DENND5B: variants seen among roughly 807,000 people sequenced by gnomAD.
DENND5B encodes the protein DENN domain containing 5B.
A neutral mutation model predicts 140.6 loss-of-function variants in DENND5B; 34 were observed. The ratio of observed to expected loss-of-function variants is 0.24; its 90% CI spans 0.18 to 0.32. The LOEUF (loss-of-function observed/expected upper bound fraction) is 0.32, where lower values mean the gene tolerates loss of function less well. DENND5B is among the 10% of genes least tolerant of loss of function. DENND5B has a pLI of 1.00. For missense variants in DENND5B, 1,142 were observed against 1,560.2 expected, an observed-to-expected ratio of 0.73 and a Z score of 4.52; for synonymous variants, 551 against 562.1, an observed-to-expected ratio of 0.98 and a Z score of 0.28.
chr12:31,528,460 T>C (rs1948163793), intron 1 of DENND5B, among the ~76,000 whole-genome samples: 1 of 152,178 alleles, frequency 6.6e-6, no homozygotes, highest in African/African-American at 2.4e-5. Flanking sequence ...TAATGTAACA[T>C]TCAGGTTCCA....
chr12:31,424,518 C>T lies in DENND5B; in HGVS notation c.2391+17G>A. On this transcript the variant is annotated intron_variant, in intron 10 of 20. Transcript: ENST00000389082. ...CTCTTAACTGGCCATGTCACCAGGA[C>T]CTCCTAAAACTGTTACCTGCTTGAC... is the stretch of plus-strand genomic sequence containing the variant. 1 of 1,605,784 alleles carries T rather than the reference C, an allele frequency of 6.2e-7. No homozygotes were observed. The highest frequency in any genetic ancestry group is 1.1e-5 in the South Asian group (1 of 89,500).
At position 31,453,947 on chromosome 12, in the gene DENND5B, G is replaced by C. The variant is rs184571394; in HGVS notation, c.1093-1471C>G. On this transcript the variant is annotated intron_variant, in intron 4 of 20. Transcript: ENST00000389082. ...ACTTGAGGTCAGGAGTTCAAGACCAGTCTGGCCAACATGGTGAAACTCTGT... is the reference window on the plus strand; with the variant it reads ...ACTTGAGGTCAGGAGTTCAAGACCACTCTGGCCAACATGGTGAAACTCTGT... Among the ~76,000 whole-genome samples the C allele has an allele frequency of 1.1e-4, 16 of 152,092 alleles. No homozygotes were observed. The East Asian group carries it at 3.1e-3, about 29-fold the overall frequency.
chr12:31,390,600 T>TA lies in DENND5B; in HGVS notation c.3467-1103dup, dbSNP rs1346458811. Reference sequence around the variant, plus strand: ...GCGGTGACCCAAGATCACACCATTGTACTCCAGCCTGGGCAACAGAGCGAG... The same window carrying TA: ...GCGGTGACCCAAGATCACACCATTGTAACTCCAGCCTGGGCAACAGAGCGAG... On this transcript the variant is annotated intron_variant, in intron 19 of 20. Transcript: ENST00000389082. Among the ~76,000 whole-genome samples, 5 of 151,664 alleles carry TA rather than the reference T, an allele frequency of 3.3e-5. No homozygotes were observed. The East Asian group carries it at 9.7e-4, about 30-fold the overall frequency.
intron 19 of DENND5B, among the ~76,000 whole-genome samples, chr12:31,391,628 G>C (rs1001925566): frequency 6.6e-6 from 1 of 152,192 alleles, no homozygotes; most frequent in Non-Finnish European, 1.5e-5. Context: ...GAAAAACAAA[G>C]ACAATACTTG....
At position 31,399,663 on chromosome 12, in the gene DENND5B, T is replaced by C. The variant is rs746065127; in HGVS notation, c.3059A>G (p.His1020Arg). The C allele has an allele frequency of 6.2e-7, 1 of 1,613,422 alleles. No individual in the cohort carries two copies. The highest frequency in any genetic ancestry group is 8.5e-7 in the Non-Finnish European group (1 of 1,179,514). The change falls in exon 16 of 21, where the codon CAT becomes CGT. Residue 1020 changes from histidine (H) to arginine (R), a missense_variant. Physicochemically the swap from His to Arg is conservative, Grantham distance 29. This residue lies in a region of DENND5B where 268 missense variants were observed against 349.2 expected (regional missense o/e 0.77). Coordinates refer to ENST00000389082, the MANE Select transcript of DENND5B (RefSeq NM_144973.4). ...AAGGCCATTTACTTACCTGTATGTA[T>C]GTCCTGTGATTTCATTTCTGACCAT... Reference protein sequence around the residue: ...CVMVRNEITGHTYRFPCGRWL... With the variant: ...CVMVRNEITGRTYRFPCGRWL...
intron 9 of DENND5B, among the ~76,000 whole-genome samples, chr12:31,425,361 T>C (rs902628957): frequency 2.1e-4 from 32 of 152,164 alleles, no homozygotes; most frequent in African/African-American, 7.5e-4. Flanking sequence ...TGTCAGAATA[T>C]GGAACCCCAT....
intron 1 of DENND5B, among the ~76,000 whole-genome samples, chr12:31,529,025 G>T (rs1948186106): frequency 6.6e-6 from 1 of 151,834 alleles, no homozygotes; most frequent in African/African-American, 2.4e-5. Context: ...AGCTGGGTCT[G>T]GTGGCGGGTG....
intron 1 of DENND5B, among the ~76,000 whole-genome samples, chr12:31,534,222 C>T (rs562828750): frequency 3.6e-4 from 55 of 151,972 alleles, no homozygotes; most frequent in Middle Eastern, 3.4e-3. Flanking sequence ...TGCAGTGGTG[C>T]GATCTCGGCT....
intron 11 of DENND5B, 73 bp downstream of exon 11, chr12:31,423,524 T>A: frequency 6.7e-7 from 1 of 1,483,152 alleles, no homozygotes; most frequent in Non-Finnish European, 9.3e-7. Flanking sequence ...GAGAAAGAGA[T>A]CAAGACAAGG....
At position 31,423,778 on chromosome 12, in the gene DENND5B, G is replaced by A. The variant is rs141291265; in HGVS notation, c.2392-103C>T. 463 of 1,149,662 alleles carry A rather than the reference G, an allele frequency of 4.0e-4. 3 individuals are homozygous for A. The East Asian group carries it at 9.3e-3, about 23-fold the overall frequency. The allele number at this position is 1,149,662 out of a possible 1,614,324, so 71.2% of individuals were successfully genotyped here. A position where few individuals can be genotyped will look rare whatever the true frequency, so the allele number is the denominator to read the frequency against. ...TCCAATAGCCATTTAGAAGTCTGGT[G>A]ACCCAAGCTCACTCATTCCTAGTTG... On this transcript the variant is annotated intron_variant, in intron 10 of 20. Coordinates refer to ENST00000389082, the MANE Select transcript of DENND5B (RefSeq NM_144973.4).
At chr12:31,578,544 T>C (rs1358872139) in intron 1 of DENND5B, among the ~76,000 whole-genome samples, 2 of 152,226 alleles carry the variant, frequency 1.3e-5, no homozygotes, top group East Asian at 3.8e-4. Context: ...ATGCATATAA[T>C]GCCACCTTTC....
In DENND5B at chr12:31,408,624, CAAAAAAA is replaced by C. The variant is rs33965275; in HGVS notation, c.2803+632_2803+638del. On this transcript the variant is annotated intron_variant, in intron 14 of 20. Coordinates refer to ENST00000389082, the MANE Select transcript of DENND5B (RefSeq NM_144973.4). ...CCTGGGTGATGGAGTGAGACTCTAT[CAAAAAAA>C]AAAAAAAAAAAAAAAAAAAATTCTC... Among the ~76,000 whole-genome samples, 113 of 71,964 alleles carry C rather than the reference CAAAAAAA, an allele frequency of 1.6e-3. 1 individual carries two copies. The highest frequency in any genetic ancestry group is 1.3e-3 in the South Asian group (2 of 1,552). The allele number at this position is 71,964 out of a possible 152,430, so 47.2% of individuals were successfully genotyped here.
At chr12:31,419,862 A>C (rs1942936285) in intron 11 of DENND5B, among the ~76,000 whole-genome samples, 1 of 149,328 alleles carries the variant, frequency 6.7e-6, no homozygotes, top group Admixed American at 6.8e-5. Context: ...AATCCCAGCT[A>C]TTCAGGAGGC....
At position 31,546,973 on chromosome 12, in the gene DENND5B, CAA is replaced by C. The variant is rs1948885558; in HGVS notation, c.127+43731_127+43732del. Among the ~76,000 whole-genome samples the C allele has an allele frequency of 2.0e-5, 3 of 152,272 alleles. No homozygotes were observed. In the South Asian group the frequency reaches 6.2e-4, roughly 32 times the overall value. On this transcript the variant is annotated intron_variant, in intron 1 of 20. Transcript: ENST00000389082. ...ACATATCTGCTATGTTTAACAGAAA[CAA>C]AGAGTCACACATGGGGAATGACAGT...
chr12:31,402,749 T>C, intron 14 of DENND5B, 106 bp from the exon 15 acceptor site: 2 of 1,368,322 alleles, frequency 1.5e-6, no homozygotes, highest in Non-Finnish European at 2.0e-6. Context: ...ATTTGCTTTT[T>C]ATGAGCTATC....
intron 1 of DENND5B, among the ~76,000 whole-genome samples, chr12:31,505,176 T>C (rs1947149766): frequency 1.3e-5 from 2 of 152,262 alleles, no homozygotes; most frequent in Non-Finnish European, 1.5e-5. Context: ...GGTAACTGTC[T>C]ACATTGCTTG....
intron 3 of DENND5B, among the ~76,000 whole-genome samples, chr12:31,464,054 C>CT (rs1361319324): frequency 1.3e-5 from 2 of 152,122 alleles, no homozygotes; most frequent in Non-Finnish European, 1.5e-5. Context: ...GAGTTTTCTT[C>CT]TTTAAGCATT....
chr12:31,490,256 G>A (rs1565631561), intron 2 of DENND5B, among the ~76,000 whole-genome samples: 2 of 151,860 alleles, frequency 1.3e-5, no homozygotes, highest in South Asian at 4.2e-4. Flanking sequence ...TGGGGGTGGC[G>A]GGGGCAAAAG....
chr12:31,512,221 C>CA (rs1394018451), intron 1 of DENND5B, among the ~76,000 whole-genome samples: 1 of 151,690 alleles, frequency 6.6e-6, no homozygotes, highest in Non-Finnish European at 1.5e-5. Flanking sequence ...GCCTCCACTG[C>CA]ACTTTTCTTT....
Sources: gnomAD v4.1 joint callset for allele counts (sites outside exome capture counted in the v4.1 genomes callset) on GRCh38, gnomAD v4.1.1 for gene constraint, gnomAD v4.1.1 regional missense constraint, MANE v1.5 for transcripts, NCBI Gene and HGNC (gene_info 2026-07-23, HGNC 2026-07-21) for gene names.